USP34: variants seen among roughly 807,000 people sequenced by gnomAD.
USP34 encodes the protein ubiquitin carboxyl-terminal hydrolase 34.
In USP34, 70 loss-of-function variants were observed where a neutral mutation model predicts 460.3. The ratio of observed to expected loss-of-function variants is 0.15; its 90% CI spans 0.13 to 0.19. The LOEUF is 0.19. USP34 is among the 10% of genes least tolerant of loss of function. USP34 has a pLI of 1.00. For synonymous variants in USP34, 1,647 were observed against 1,405.3 expected (o/e 1.17, Z -3.85); for missense variants, 3,985 against 4,236.2 (o/e 0.94, Z 1.65).
intron 51 of USP34, among the ~76,000 whole-genome samples, chr2:61,244,692 G>A (rs1268459536): frequency 6.6e-6 from 1 of 151,598 alleles, no homozygotes; most frequent in African/African-American, 2.4e-5. Flanking sequence ...AGTATCTAGT[G>A]TTATCCAGGT....
intron 38 of USP34, among the ~76,000 whole-genome samples, chr2:61,280,866 T>C (rs1377873105): frequency 1.3e-5 from 2 of 152,090 alleles, no homozygotes; most frequent in Non-Finnish European, 2.9e-5. Flanking sequence ...AAATAGAGTA[T>C]CCATGAGAGA....
intron 1 of USP34, among the ~76,000 whole-genome samples, chr2:61,422,860 CATG>C (rs1694402323): frequency 6.6e-6 from 1 of 152,052 alleles, no homozygotes; most frequent in Non-Finnish European, 1.5e-5. Context: ...ATTAGCCAGG[CATG>C]GTGGTGCACA....
intron 3 of USP34, 152 bp downstream of exon 3, chr2:61,405,556 C>A: frequency 1.2e-6 from 1 of 817,470 alleles, no homozygotes; most frequent in South Asian, 2.4e-5. Context: ...GCACAAACTG[C>A]TGAAGAAATG....
chr2:61,460,262 G>A (rs995958388), intron 1 of USP34, among the ~76,000 whole-genome samples: 1 of 152,056 alleles, frequency 6.6e-6, no homozygotes, highest in East Asian at 1.9e-4. Flanking sequence ...GTTTTAAATT[G>A]CCATTCCGAG....
chr2:61,327,872 C>G (rs541612037), intron 20 of USP34, among the ~76,000 whole-genome samples: 1 of 152,252 alleles, frequency 6.6e-6, no homozygotes, highest in Admixed American at 6.5e-5. Flanking sequence ...AAATACAGGA[C>G]AAAAACAGTC....
In USP34 at chr2:61,407,718, T is replaced by G. The variant is rs1376314187; in HGVS notation, c.132-1590A>C. 4.6e-5 allele frequency among the ~76,000 whole-genome samples: 7 copies of G among 152,334 alleles called. No homozygotes were observed. In the Middle Eastern group the frequency reaches 0.01, roughly 222 times the overall value. ...AGACATTGTCACTTCTGCCTTGCTC[T>G]TTTTTGGATCACTTACTCTAGAGGA... On this transcript the variant is annotated intron_variant, in intron 2 of 79. Coordinates refer to ENST00000398571, the MANE Select transcript of USP34 (RefSeq NM_014709.4).
chr2:61,216,642 G>C (rs1056896999), intron 67 of USP34, among the ~76,000 whole-genome samples: 4 of 151,578 alleles, frequency 2.6e-5, no homozygotes, highest in African/African-American at 9.7e-5. Context: ...CATTTGGCTG[G>C]GTACGGTGAC....
Position 61,188,096 on chromosome 2 carries a change from C to T in USP34, c.*6G>A. ...GGACTTAAAAGTAGACATGCTACAC[C>T]TAATGTCAAGAAGCAGCTTGGTTTC... is the stretch of plus-strand genomic sequence containing the variant. On this transcript the variant is annotated 3_prime_UTR_variant, in exon 80 of 80. Transcript: ENST00000398571. 1.2e-6 allele frequency: 2 copies of T among 1,609,490 alleles called. No homozygotes were observed. Among genetic ancestry groups the T allele is most frequent in the Non-Finnish European group, 1.7e-6 (2 of 1,177,418 alleles).
At chr2:61,338,343 C>CA (rs1368421833) in intron 18 of USP34, among the ~76,000 whole-genome samples, 1 of 152,100 alleles carries the variant, frequency 6.6e-6, no homozygotes, top group Non-Finnish European at 1.5e-5. Flanking sequence ...GAATGAATAC[C>CA]AAAGGAGGCA....
rs772314047 is a variant in USP34 at position 61,192,934 on chromosome 2, G to C, written c.9555C>G (p.Phe3185Leu). 2.0e-5 allele frequency: 32 copies of C among 1,613,712 alleles called. No homozygotes were observed. The highest frequency in any genetic ancestry group is 2.4e-5 in the Non-Finnish European group (28 of 1,179,848). The change falls in exon 76 of 80, where the codon TTC (phenylalanine) becomes TTG (leucine). Residue 3185 changes from phenylalanine to leucine, a missense_variant. Phe to Leu is a conservative substitution (Grantham distance 22). Transcript: ENST00000398571. Reference protein sequence around the residue: ...YEGLPLHLALFPKLWTELCQT... With the variant: ...YEGLPLHLALLPKLWTELCQT... ...GGCATAGCTCAGTCCAAAGTTTGGG[G>C]AACAGTGCAAGATGAAGTGGCAAAC...
At chr2:61,400,324 T>TG (rs1395871358) in intron 3 of USP34, among the ~76,000 whole-genome samples, 1 of 152,102 alleles carries the variant, frequency 6.6e-6, no homozygotes, top group African/African-American at 2.4e-5. Context: ...TTAGCCAAGA[T>TG]GGTCTTGATC....
At chr2:61,410,378 G>C (rs1431739500) in intron 2 of USP34, among the ~76,000 whole-genome samples, 1 of 152,140 alleles carries the variant, frequency 6.6e-6, no homozygotes, top group Non-Finnish European at 1.5e-5. Flanking sequence ...TGCTGCCACT[G>C]ATCTGACAGG....
chr2:61,464,223 G>A (rs926812509), intron 1 of USP34, among the ~76,000 whole-genome samples: 7 of 152,170 alleles, frequency 4.6e-5, no homozygotes, highest in African/African-American at 1.7e-4. Flanking sequence ...GGAGGATGAG[G>A]CAGGAGAATC....
At position 61,417,091 on chromosome 2, in the gene USP34, G is replaced by C; in HGVS notation, c.131+3655C>G. Reference sequence around the variant, plus strand: ...CCTGAGCAGGACCTCAATCACATGCGCCTTGTTCTGCAGCTTGGTATGGAT... The same window carrying C: ...CCTGAGCAGGACCTCAATCACATGCCCCTTGTTCTGCAGCTTGGTATGGAT... On this transcript the variant is annotated intron_variant, in intron 2 of 79. Coordinates refer to ENST00000398571, the MANE Select transcript of USP34 (RefSeq NM_014709.4). The C allele has an allele frequency of 2.8e-6, 4 of 1,440,368 alleles. No individual in the cohort carries two copies. The Admixed American group carries it at 6.7e-5, about 24-fold the overall frequency. The allele number at this position is 1,440,368 out of a possible 1,614,324, so 89.2% of individuals were successfully genotyped here.
chr2:61,202,994 T>C, intron 75 of USP34, 146 bp downstream of exon 75: 1 of 923,164 alleles, frequency 1.1e-6, no homozygotes, highest in Non-Finnish European at 1.5e-6. Flanking sequence ...TAATGAAAAT[T>C]AAAATGTTCC....
intron 1 of USP34, among the ~76,000 whole-genome samples, chr2:61,423,934 T>G (rs184671562): frequency 6.6e-6 from 1 of 152,274 alleles, no homozygotes; most frequent in Admixed American, 6.5e-5. Flanking sequence ...CCAGCATGAG[T>G]AACAGGGCAA....
chr2:61,417,379 G>T, intron 2 of USP34: 1 of 540,008 alleles, frequency 1.9e-6, no homozygotes, highest in South Asian at 2.0e-5. Flanking sequence ...TTGGCTGCAG[G>T]ACCTCCGTAA....
chr2:61,318,321 A>G (rs1308558752), intron 22 of USP34, among the ~76,000 whole-genome samples: 1 of 152,240 alleles, frequency 6.6e-6, no homozygotes, highest in East Asian at 1.9e-4. Flanking sequence ...GACATAAATA[A>G]AGACAACTAT....
intron 10 of USP34, among the ~76,000 whole-genome samples, chr2:61,355,762 T>C (rs1692083681): frequency 6.6e-6 from 1 of 152,192 alleles, no homozygotes; most frequent in Non-Finnish European, 1.5e-5. Flanking sequence ...TCCCTCTTTA[T>C]GAGTAATTAT....
Sources: gnomAD v4.1 joint callset for allele counts (sites outside exome capture counted in the v4.1 genomes callset) on GRCh38, gnomAD v4.1.1 for gene constraint, MANE v1.5 for transcripts, NCBI Gene and HGNC (gene_info 2026-07-23, HGNC 2026-07-21) for gene names.